Variants in RBM19 observed in about 807,000 individuals in gnomAD.
RBM19 encodes probable RNA-binding protein 19.
RBM19 carries 94 observed loss-of-function variants against 116.8 expected under a neutral mutation model. That is an observed-to-expected ratio of 0.80 (90% confidence interval 0.68 to 0.95). The LOEUF is 0.95. Among genes scored for constraint, RBM19 ranks in the 40% least tolerant of loss-of-function variants. The pLI, the probability that RBM19 is intolerant of heterozygous loss-of-function variation, is 0.00. For synonymous variants in RBM19, 475 were observed against 494.1 expected, an observed-to-expected ratio of 0.96 and a Z score of 0.51; for missense variants, 1,161 against 1,220.7, an observed-to-expected ratio of 0.95 and a Z score of 0.73.
intron 22 of RBM19, among the ~76,000 whole-genome samples, chr12:113,855,435 T>A (rs1168965998): frequency 6.6e-6 from 1 of 152,206 alleles, no homozygotes; most frequent in East Asian, 1.9e-4. Flanking sequence ...CATCTGACGA[T>A]TGCTGGGGCA....
chr12:113,947,584 C>CT, intron 10 of RBM19, 120 bp from the exon 11 acceptor site: 1 of 1,055,966 alleles, frequency 9.5e-7, no homozygotes, highest in Non-Finnish European at 1.3e-6. Flanking sequence ...TCCCAGTCCC[C>CT]TACGTGTGTC....
intron 10 of RBM19, 76 bp downstream of exon 10, chr12:113,948,757 G>C (rs1475970266): frequency 2.0e-6 from 3 of 1,480,224 alleles, no homozygotes; most frequent in Admixed American, 1.9e-5. Context: ...ACTGGGACTT[G>C]AACCCAGGAC....
In RBM19 at chr12:113,847,707, G is replaced by T. The variant is rs369680700; in HGVS notation, c.2665-2919C>A. On this transcript the variant is annotated intron_variant, in intron 22 of 23. Transcript: ENST00000261741. ...AATAAGATCCCAGGAGGTAGGTCCG[G>T]GTGAGAGGCCCCAACCCCAGCCTCT... is the stretch of plus-strand genomic sequence containing the variant. Among the ~76,000 whole-genome samples the T allele has an allele frequency of 5.3e-5, 8 of 152,262 alleles. No individual in the cohort carries two copies. The South Asian group carries it at 1.2e-3, about 24-fold the overall frequency.
At chr12:113,845,091 G>A (rs1317671157) in intron 22 of RBM19, among the ~76,000 whole-genome samples, 3 of 152,278 alleles carry the variant, frequency 2.0e-5, no homozygotes, top group East Asian at 1.9e-4. Flanking sequence ...TGTGGAGGGC[G>A]ACCCCATTAG....
chr12:113,885,285 A>G (rs1406874749), intron 21 of RBM19, among the ~76,000 whole-genome samples: 1 of 152,220 alleles, frequency 6.6e-6, no homozygotes, highest in Non-Finnish European at 1.5e-5. Context: ...GAGAATCCTA[A>G]CCAATCCAAT....
At chr12:113,874,585 C>CTATG (rs1879525485) in intron 21 of RBM19, among the ~76,000 whole-genome samples, 1 of 152,178 alleles carries the variant, frequency 6.6e-6, no homozygotes, top group Non-Finnish European at 1.5e-5. Flanking sequence ...TGTGCCCCAC[C>CTATG]CTGGGGACAG....
intron 22 of RBM19, among the ~76,000 whole-genome samples, chr12:113,849,142 G>A (rs935023827): frequency 6.6e-6 from 1 of 152,214 alleles, no homozygotes; most frequent in Non-Finnish European, 1.5e-5. Flanking sequence ...CAACAGCCAG[G>A]CACCCTCCCT....
In RBM19 at chr12:113,829,273, G is replaced by A. The variant is rs577340599; in HGVS notation, c.2786-5952C>T. ...TGGGATTATAGGCATGAGCCACTAC[G>A]TCCAGCCAGTTGTGCCTTTTTAAAA... On this transcript the variant is annotated intron_variant, in intron 23 of 23. Coordinates refer to ENST00000261741, the MANE Select transcript of RBM19 (RefSeq NM_016196.4). 6.6e-5 allele frequency among the ~76,000 whole-genome samples: 10 copies of A among 152,318 alleles called. No homozygotes were observed. In the East Asian group the frequency reaches 1.5e-3, roughly 24 times the overall value.
chr12:113,956,917 G>A (rs529864711), intron 6 of RBM19, among the ~76,000 whole-genome samples: 10 of 152,288 alleles, frequency 6.6e-5, no homozygotes, highest in South Asian at 2.1e-4. Context: ...GCAACGGCAC[G>A]GCAGGCATGG....
Position 113,962,510 on chromosome 12 carries a change from G to A in RBM19, c.37-96C>T, listed in dbSNP as rs1056369644. 17 of 1,285,204 alleles carry A rather than the reference G, an allele frequency of 1.3e-5. No homozygotes were observed. The African/African-American group carries it at 2.4e-4, about 18-fold the overall frequency. 79.6% of individuals were successfully genotyped at this position (1,285,204 alleles called of 1,614,324 possible). On this transcript the variant is annotated intron_variant, in intron 1 of 23. Transcript: ENST00000261741. ...AACCTGAGGCCACGAGATTCTCCAA[G>A]GGTGGCCTTAGATGAAGAGGGGCAG...
At chr12:113,891,319 T>C (rs1880949108) in intron 21 of RBM19, among the ~76,000 whole-genome samples, 1 of 152,182 alleles carries the variant, frequency 6.6e-6, no homozygotes, top group Non-Finnish European at 1.5e-5. Flanking sequence ...GTTCCTCCCA[T>C]GGGGAAGTCA....
chr12:113,856,284 G>A (rs1406970776), intron 22 of RBM19, among the ~76,000 whole-genome samples: 2 of 152,230 alleles, frequency 1.3e-5, no homozygotes, highest in South Asian at 4.1e-4. Flanking sequence ...ATCCACAGCC[G>A]GGCCTGGGTG....
chr12:113,924,661 G>T lies in RBM19; in HGVS notation c.2305+36C>A, dbSNP rs749977820. On this transcript the variant is annotated intron_variant, in intron 18 of 23. Transcript: ENST00000261741. ...CTTTTGGAATCCACTCTTTCCGGCT[G>T]AATACTGAACACTTTCCGAATTTCA... The T allele has an allele frequency of 3.3e-6, 5 of 1,512,698 alleles. No individual in the cohort carries two copies. In the South Asian group the frequency reaches 5.6e-5, roughly 17 times the overall value. The allele number at this position is 1,512,698 out of a possible 1,614,324, so 93.7% of individuals were successfully genotyped here.
Position 113,824,721 on chromosome 12 carries a change from G to C in RBM19, c.2786-1400C>G, listed in dbSNP as rs1874711564. ...ACTTGGTTTCCCTCTGCGTGTTCCT[G>C]GGTGAGCGATTTCACCTCTCTGAGC... On this transcript the variant is annotated intron_variant, in intron 23 of 23. Coordinates refer to ENST00000261741, the MANE Select transcript of RBM19 (RefSeq NM_016196.4). 3.3e-5 allele frequency among the ~76,000 whole-genome samples: 5 copies of C among 152,102 alleles called. No homozygotes were observed. In the South Asian group the frequency reaches 1.0e-3, roughly 32 times the overall value.
rs543571656 is a variant in RBM19, at chr12:113,884,767, G to A, written c.2559-25871C>T. On this transcript the variant is annotated intron_variant, in intron 21 of 23. Transcript: ENST00000261741. The stretch of plus-strand genomic sequence containing the variant: ...CTTAAGAAAGAATAACTTAAGGGTC[G>A]AAAAAAAAAGATGGGGACACATTGA... Among the ~76,000 whole-genome samples the A allele has an allele frequency of 2.7e-4, 40 of 150,516 alleles. No individual in the cohort carries two copies. In the South Asian group the frequency reaches 6.5e-3, roughly 25 times the overall value.
chr12:113,927,500 C>T (rs572070051), intron 16 of RBM19: 2 of 372,722 alleles, frequency 5.4e-6, no homozygotes, highest in South Asian at 1.0e-4. Context: ...ACAGGACCAG[C>T]TCACACTAAT....
rs757730312 is a variant in RBM19 at position 113,952,601 on chromosome 12, A to T, written c.922-11T>A. 3 of 1,612,486 alleles carry T rather than the reference A, an allele frequency of 1.9e-6. No individual in the cohort carries two copies. The highest frequency in any genetic ancestry group is 2.5e-6 in the Non-Finnish European group (3 of 1,178,734). On this transcript the variant is annotated splice_polypyrimidine_tract_variant and intron_variant, in intron 7 of 23. Coordinates refer to ENST00000261741, the MANE Select transcript of RBM19 (RefSeq NM_016196.4). ...TTCCATAACATTTTTCTGTGAGAAG[A>T]AGTTTTTTTCCCCTTACCAACCACA...
intron 4 of RBM19, among the ~76,000 whole-genome samples, 159 bp downstream of exon 4, chr12:113,959,706 T>C (rs1872312745): frequency 6.8e-6 from 1 of 146,308 alleles, no homozygotes. Flanking sequence ...TCTCCCAGTG[T>C]CCACCCTCTC....
intron 9 of RBM19, 64 bp from the exon 10 acceptor site, chr12:113,949,100 G>T: frequency 5.6e-6 from 8 of 1,437,876 alleles, no homozygotes; most frequent in Middle Eastern, 1.8e-4. Flanking sequence ...CTCCTTGCTG[G>T]TGACTCCAAA....
Sources: allele counts gnomAD v4.1 joint callset (sites outside exome capture counted in the v4.1 genomes callset), GRCh38; gene constraint gnomAD v4.1.1; transcripts MANE v1.5; gene names NCBI Gene and HGNC (gene_info 2026-07-23, HGNC 2026-07-21).